ATAT1: variants seen among roughly 807,000 people sequenced by gnomAD.
The protein encoded by ATAT1 is alpha-tubulin N-acetyltransferase 1.
Under a neutral mutation model 57.2 loss-of-function variants are expected in ATAT1, and 42 were observed. That is an observed-to-expected ratio of 0.73 (90% CI 0.57 to 0.95). The LOEUF (loss-of-function observed/expected upper bound fraction) is 0.95, where lower values mean the gene tolerates loss of function less well. Ranked by LOEUF, ATAT1 falls within the 40% of genes least tolerant of loss-of-function variation. The probability of loss-of-function intolerance (pLI) is 0.00; values close to 1 mark genes in which losing one functional copy is unlikely to be tolerated. For missense variants in ATAT1, 454 were observed against 523.7 expected, an observed-to-expected ratio of 0.87 and a Z score of 1.30; for synonymous variants, 168 against 187.1, an observed-to-expected ratio of 0.90 and a Z score of 0.83.
At chr6:30,627,333 C>T in intron 1 of ATAT1, 127 bp from the exon 2 acceptor site, 1 of 1,610,608 alleles carries the variant, frequency 6.2e-7, no homozygotes, top group Non-Finnish European at 8.5e-7. Flanking sequence ...GGAAGACTCC[C>T]AGGCAAAGGC....
At chr6:30,628,002 C>T (rs1762043060) in intron 4 of ATAT1, 30 bp from the exon 5 acceptor site, 1 of 1,610,594 alleles carries the variant, frequency 6.2e-7, no homozygotes, top group African/African-American at 1.3e-5. Context: ...TGCCGGGGTT[C>T]CTAAAACATT....
At position 30,646,804 on chromosome 6, in the gene ATAT1, T is replaced by G. The variant is rs905643536; in HGVS notation, c.*161T>G. 6.9e-5 allele frequency: 83 copies of G among 1,201,244 alleles called. No homozygotes were observed. The highest frequency in any genetic ancestry group is 9.0e-5 in the Non-Finnish European group (81 of 904,414). The allele number at this position is 1,201,244 out of a possible 1,614,324, so 74.4% of individuals were successfully genotyped here. A position where few individuals can be genotyped will look rare whatever the true frequency, so the allele number is the denominator to read the frequency against. On this transcript the variant is annotated 3_prime_UTR_variant, in exon 13 of 13. Coordinates refer to ENST00000330083, the MANE Select transcript of ATAT1 (RefSeq NM_001031722.4). ...TATCTTTTAACCAGACCAATAAAAG[T>G]ATTTATTTTTATCACAAGAGCTGTT...
At chr6:30,645,630 A>C (rs1453732360) in intron 10 of ATAT1, among the ~76,000 whole-genome samples, 1 of 152,214 alleles carries the variant, frequency 6.6e-6, no homozygotes, top group African/African-American at 2.4e-5. Context: ...GATTTGGATC[A>C]CACCTAGCCA....
intron 9 of ATAT1, among the ~76,000 whole-genome samples, chr6:30,642,499 T>C (rs536743344): frequency 6.6e-6 from 1 of 152,018 alleles, no homozygotes; most frequent in African/African-American, 2.4e-5. Context: ...AAAAATTAGC[T>C]GGGCACGGTG....
intron 8 of ATAT1, 64 bp downstream of exon 8, chr6:30,640,667 G>A (rs1582849080): frequency 1.3e-6 from 2 of 1,568,952 alleles, no homozygotes. Flanking sequence ...TAGATGCCAC[G>A]GGGTACAGTG....
rs1561927475 is a variant in ATAT1, at chr6:30,642,247, T to C, written c.688T>C (p.Phe230Leu). The C allele has an allele frequency of 5.0e-6, 8 of 1,613,810 alleles. No homozygotes were observed. Among genetic ancestry groups the C allele is most frequent in the Non-Finnish European group, 6.8e-6 (8 of 1,179,916 alleles). Reference sequence around the variant, plus strand: ...GCCATACTCCTCTAGTGACCGAGAATGTAAGAGGGGCAAGGGTCGGGTGTC... The same window carrying C: ...GCCATACTCCTCTAGTGACCGAGAACGTAAGAGGGGCAAGGGTCGGGTGTC... Residue 230 changes from phenylalanine to leucine, a missense_variant and splice_region_variant, in exon 9 of 13, where the codon TTT (phenylalanine) becomes CTT (leucine). By Grantham distance (22) the Phe-to-Leu change is conservative. Transcript: ENST00000330083.
chr6:30,641,987 C>T, intron 8 of ATAT1, 189 bp from the exon 9 acceptor site: 1 of 1,449,522 alleles, frequency 6.9e-7, no homozygotes, highest in South Asian at 1.4e-5. Flanking sequence ...CTTTCCTCAA[C>T]AGTGTTCCAC....
In ATAT1 at chr6:30,632,786, A is replaced by G. The variant is rs943620445; in HGVS notation, c.501+4356A>G. Among the ~76,000 whole-genome samples the G allele has an allele frequency of 2.6e-5, 4 of 151,712 alleles. No individual in the cohort carries two copies. In the East Asian group the frequency reaches 5.8e-4, roughly 22 times the overall value. On this transcript the variant is annotated intron_variant, in intron 6 of 12. Transcript: ENST00000330083. The stretch of plus-strand genomic sequence containing the variant: ...CATCTCTACTAAAAATAGAAAAAAA[A>G]ATTAGCCAGGTGTGGTGGTGCTCGC...
At chr6:30,630,830 C>T (rs185270031) in intron 6 of ATAT1, among the ~76,000 whole-genome samples, 1 of 151,512 alleles carries the variant, frequency 6.6e-6, no homozygotes, top group Admixed American at 6.6e-5. Flanking sequence ...CCCAGCTACT[C>T]GGGAGGCTGA....
chr6:30,643,646 TC>T lies in ATAT1; in HGVS notation c.932+637del, dbSNP rs1766031289. On this transcript the variant is annotated intron_variant, in intron 10 of 12. Transcript: ENST00000330083. ...ACCTCAGACCCACTCTTCCATTGCA[TC>T]CTGTAGGACCCAGTGGAACCTGACA... The T allele has an allele frequency of 5.8e-6, 9 of 1,549,006 alleles. No individual in the cohort carries two copies. In the Admixed American group the frequency reaches 1.6e-4, roughly 27 times the overall value.
chr6:30,646,518 C>A lies in ATAT1; in HGVS notation c.1105C>A (p.Pro369Thr). ...GTCACAGGATGGGTCTGGGGAGAAG[C>A]CCATGCACACAGCTCCTCCACAGGC... The change falls in exon 13 of 13, where the codon CCC becomes ACC. Residue 369 changes from proline (P) to threonine (T), a missense_variant. Pro to Thr is a conservative substitution (Grantham distance 38, BLOSUM62 -1). Coordinates refer to ENST00000330083, the MANE Select transcript of ATAT1 (RefSeq NM_001031722.4). The A allele has an allele frequency of 6.3e-7, 1 of 1,596,860 alleles. No individual in the cohort carries two copies. The highest frequency in any genetic ancestry group is 8.5e-7 in the Non-Finnish European group (1 of 1,172,174).
rs1766798130 is a variant in ATAT1 at position 30,646,697 on chromosome 6, G to C, written c.*54G>C. On this transcript the variant is annotated 3_prime_UTR_variant, in exon 13 of 13. Transcript: ENST00000330083. Reference sequence around the variant, plus strand: ...ATTATTTCTCCCTCACTACAGGAAAGAGCCAAAGCCCAACCCTCATAATAG... The same window carrying C: ...ATTATTTCTCCCTCACTACAGGAAACAGCCAAAGCCCAACCCTCATAATAG... The C allele has an allele frequency of 6.8e-7, 1 of 1,475,088 alleles. No homozygotes were observed. The highest frequency in any genetic ancestry group is 9.0e-7 in the Non-Finnish European group (1 of 1,105,156). The allele number at this position is 1,475,088 out of a possible 1,614,324, so 91.4% of individuals were successfully genotyped here.
Position 30,642,833 on chromosome 6 carries a change from G to GGGGGGGGCGCCCCCC in ATAT1, c.754_755insGGGGGGGCGCCCCCC (p.Ala252delinsGlyGlyGlyAlaProPro). ...GGCCCCTCGCCGCGCCACACCTCCA[G>GGGGGGGGCGCCCCCC]CCCACCCACCCCCCCGCTCCAGCAG... On this transcript the variant is annotated protein_altering_variant, in exon 10 of 13. Transcript: ENST00000330083. The GGGGGGGGCGCCCCCC allele has an allele frequency of 6.5e-7, 1 of 1,537,874 alleles. No homozygotes were observed. The highest frequency in any genetic ancestry group is 8.7e-7 in the Non-Finnish European group (1 of 1,145,780).
At chr6:30,643,573 C>A (rs9262132) in intron 10 of ATAT1, 167,045 of 1,550,632 alleles carry the variant, frequency 0.11, 11,522 homozygotes, top group Non-Finnish European at 0.13. Flanking sequence ...CAGCTACCCT[C>A]TCCCTGCCCT....
intron 6 of ATAT1, among the ~76,000 whole-genome samples, chr6:30,633,022 G>A (rs1001421916): frequency 5.9e-5 from 9 of 152,014 alleles, no homozygotes; most frequent in Admixed American, 1.3e-4. Context: ...CAATCCTGGC[G>A]AAAAATGGTG....
chr6:30,638,642 C>T (rs939166333), intron 6 of ATAT1, among the ~76,000 whole-genome samples: 12 of 150,920 alleles, frequency 8.0e-5, no homozygotes, highest in Non-Finnish European at 1.8e-4. Flanking sequence ...GTTGCCATCT[C>T]GGCTCACTGC....
Position 30,628,408 on chromosome 6 carries a change from A to G in ATAT1, c.479A>G (p.Asn160Ser), listed in dbSNP as rs1425400243. The change falls in exon 6 of 13, where the codon AAT (asparagine) becomes AGT (serine). Residue 160 changes from asparagine to serine, a missense_variant. By Grantham distance (46) the Asn-to-Ser change is conservative. This residue lies in a region of ATAT1 where 236 missense variants were observed against 284.5 expected (regional missense o/e 0.83). Transcript: ENST00000330083. The stretch of plus-strand genomic sequence containing the variant: ...CTGAAATTCCTGAATAAGCACTACA[A>G]TCTGGAGACCACAGTCCCACAGGTT... 17 of 1,612,610 alleles carry G rather than the reference A, an allele frequency of 1.1e-5. No homozygotes were observed. The highest frequency in any genetic ancestry group is 3.3e-5 in the Admixed American group (2 of 60,008).
chr6:30,642,164 C>T lies in ATAT1; in HGVS notation c.617-12C>T. The T allele has an allele frequency of 6.2e-7, 1 of 1,614,040 alleles. No homozygotes were observed. The highest frequency in any genetic ancestry group is 8.5e-7 in the Non-Finnish European group (1 of 1,180,002). ...CTAACGCTTACCCTGCCTATGTCCC[C>T]TCCACTGCCAGCTCCAGCAAGGAAG... On this transcript the variant is annotated splice_polypyrimidine_tract_variant and intron_variant, in intron 8 of 12. Coordinates refer to ENST00000330083, the MANE Select transcript of ATAT1 (RefSeq NM_001031722.4).
At chr6:30,627,815 A>G (rs1281062502) in intron 3 of ATAT1, 36 bp from the exon 4 acceptor site, 1 of 1,609,342 alleles carries the variant, frequency 6.2e-7, no homozygotes, top group Non-Finnish European at 8.5e-7. Context: ...GCAGATAGAT[A>G]CCACTAGCCT....
Sources: gnomAD v4.1 joint callset for allele counts (sites outside exome capture counted in the v4.1 genomes callset) on GRCh38, gnomAD v4.1.1 for gene constraint, gnomAD v4.1.1 regional missense constraint, MANE v1.5 for transcripts, NCBI Gene and HGNC (gene_info 2026-07-23, HGNC 2026-07-21) for gene names.